TMCC1: variants seen among roughly 807,000 people sequenced by gnomAD.
TMCC1 encodes transmembrane and coiled-coil domain family 1.
Under a neutral mutation model 52.4 loss-of-function variants are expected in TMCC1, and 15 were observed. That is an observed-to-expected ratio of 0.29 (90% confidence interval 0.19 to 0.44). The LOEUF (loss-of-function observed/expected upper bound fraction) is 0.44, where lower values mean the gene tolerates loss of function less well. Ranked by LOEUF, TMCC1 falls within the 20% of genes least tolerant of loss-of-function variation. The pLI, the probability that TMCC1 is intolerant of heterozygous loss-of-function variation, is 1.00. For synonymous variants in TMCC1, 279 were observed against 301.9 expected (o/e 0.92, Z 0.79); for missense variants, 503 against 806.0 (o/e 0.62, Z 4.55).
chr3:129,713,223 C>T (rs2048833609), intron 4 of TMCC1, among the ~76,000 whole-genome samples: 1 of 152,204 alleles, frequency 6.6e-6, no homozygotes, highest in Non-Finnish European at 1.5e-5. Flanking sequence ...GATCATGCCA[C>T]TGCACTTTAG....
chr3:129,872,081 T>G (rs2060958110), intron 2 of TMCC1, among the ~76,000 whole-genome samples: 1 of 152,234 alleles, frequency 6.6e-6, no homozygotes, highest in Admixed American at 6.5e-5. Flanking sequence ...TATATCTACC[T>G]TTTCTTCAGA....
chr3:129,805,621 T>C (rs2057417324), intron 4 of TMCC1, among the ~76,000 whole-genome samples: 1 of 152,152 alleles, frequency 6.6e-6, no homozygotes, highest in Admixed American at 6.5e-5. Context: ...TCCGTTTGTT[T>C]CTAATCATAA....
intron 4 of TMCC1, among the ~76,000 whole-genome samples, chr3:129,730,245 G>T (rs991243350): frequency 6.6e-6 from 1 of 151,988 alleles, no homozygotes; most frequent in African/African-American, 2.4e-5. Flanking sequence ...TCTCTCGATA[G>T]CATCTTTCAC....
At chr3:129,691,215 A>G (rs1200272719) in intron 4 of TMCC1, among the ~76,000 whole-genome samples, 2 of 152,222 alleles carry the variant, frequency 1.3e-5, no homozygotes, top group Admixed American at 1.3e-4. Flanking sequence ...CCAGCTTGTC[A>G]GACTTTTCTG....
At position 129,828,152 on chromosome 3, in the gene TMCC1, T is replaced by G; in HGVS notation, c.227A>C (p.Asp76Ala). The change falls in exon 4 of 7, where the codon GAT becomes GCT. Residue 76 changes from aspartate to alanine, a missense_variant. Asp to Ala is a moderately radical substitution (Grantham distance 126). Around this residue, in one of 7 missense-constraint regions of TMCC1, gnomAD observed 217 missense variants for 297.9 expected, o/e 0.73. Transcript: ENST00000393238. The surrounding 1 kb of genome is among the most constrained non-coding windows in gnomAD (Gnocchi z 4.1). ...SPHDVQQIQA[D>A]PEPEMDLESQ... ...TTCCAGATCCATTTCAGGTTCTGGA[T>G]CTGCCTGAATTTGCTGCACATCATG... is the stretch of plus-strand genomic sequence containing the variant. 1.2e-6 allele frequency: 2 copies of G among 1,614,168 alleles called. No individual in the cohort carries two copies. The highest frequency in any genetic ancestry group is 1.7e-6 in the Non-Finnish European group (2 of 1,180,032).
intron 4 of TMCC1, among the ~76,000 whole-genome samples, chr3:129,685,595 C>T (rs1364988672): frequency 1.3e-5 from 2 of 152,008 alleles, no homozygotes; most frequent in South Asian, 2.1e-4. Context: ...GAATGGCTGA[C>T]GAGGCTGTAA....
At chr3:129,873,967 A>G (rs535617095) in intron 2 of TMCC1, among the ~76,000 whole-genome samples, 1 of 152,186 alleles carries the variant, frequency 6.6e-6, no homozygotes, top group Non-Finnish European at 1.5e-5. Context: ...CAAGGTATAG[A>G]ACTGTTTGAA....
chr3:129,716,147 CT>C (rs1286985253), intron 4 of TMCC1, among the ~76,000 whole-genome samples: 1 of 111,530 alleles, frequency 9.0e-6, no homozygotes, highest in Admixed American at 1.2e-4. Flanking sequence ...GTTTCAGCCA[CT>C]TTTTTTCTTT....
chr3:129,702,780 T>C (rs2047931372), intron 4 of TMCC1, among the ~76,000 whole-genome samples: 2 of 152,104 alleles, frequency 1.3e-5, no homozygotes, highest in Admixed American at 1.3e-4. Context: ...AAACAAGGAT[T>C]TGAGGCGGGT....
chr3:129,703,314 C>T (rs1002097050), intron 4 of TMCC1, among the ~76,000 whole-genome samples: 1 of 152,196 alleles, frequency 6.6e-6, no homozygotes, highest in South Asian at 2.1e-4. Context: ...TTCCAAGCTT[C>T]TTAAAATGTG....
chr3:129,763,116 T>C (rs991945422), intron 4 of TMCC1, among the ~76,000 whole-genome samples: 4 of 150,864 alleles, frequency 2.7e-5, no homozygotes, highest in African/African-American at 9.8e-5. Context: ...GAGAATGGCG[T>C]GAACCCGGGA....
intron 4 of TMCC1, among the ~76,000 whole-genome samples, chr3:129,720,682 G>A (rs1194675853): frequency 6.6e-6 from 1 of 151,900 alleles, no homozygotes; most frequent in African/African-American, 2.4e-5. Flanking sequence ...AAATAAAACA[G>A]TTATATTAAG....
chr3:129,888,705 T>A (rs1292754111), intron 1 of TMCC1, among the ~76,000 whole-genome samples: 4 of 152,166 alleles, frequency 2.6e-5, no homozygotes, highest in Non-Finnish European at 5.9e-5. Context: ...ACATAACTCA[T>A]CACCACTAAG....
chr3:129,875,243 C>T (rs1362698826), intron 2 of TMCC1, among the ~76,000 whole-genome samples: 1 of 151,452 alleles, frequency 6.6e-6, no homozygotes, highest in Non-Finnish European at 1.5e-5. Flanking sequence ...AATCCCAGCA[C>T]TGTGGGAGGC....
In TMCC1 at chr3:129,673,229, A is replaced by G. The variant is rs528895219; in HGVS notation, c.577-1965T>C. On this transcript the variant is annotated intron_variant, in intron 4 of 6. Transcript: ENST00000393238. The stretch of plus-strand genomic sequence containing the variant: ...CAGTGGAATGGACAGACGCAGCACA[A>G]GGGAGGAGCAGCCAGAGTTCCAGAT... 1.2e-3 allele frequency among the ~76,000 whole-genome samples: 186 copies of G among 152,172 alleles called. 1 individual carries two copies. Among genetic ancestry groups the G allele is most frequent in the Non-Finnish European group, 9.3e-4 (63 of 67,998 alleles).
intron 2 of TMCC1, among the ~76,000 whole-genome samples, chr3:129,875,877 T>C (rs557443265): frequency 6.6e-6 from 1 of 152,254 alleles, no homozygotes; most frequent in African/African-American, 2.4e-5. Context: ...CTCACGCCCG[T>C]AATCCCAGCA....
intron 1 of TMCC1, among the ~76,000 whole-genome samples, chr3:129,888,517 T>C (rs151333506): frequency 1.6e-3 from 247 of 152,280 alleles, no homozygotes; most frequent in Non-Finnish European, 2.8e-3. Context: ...GCAGAAAATA[T>C]ACAAGATGAA....
chr3:129,822,812 T>C (rs11916937), intron 4 of TMCC1, among the ~76,000 whole-genome samples: 14,000 of 152,098 alleles, frequency 0.092, 2,105 homozygotes, highest in African/African-American at 0.32. Flanking sequence ...AGTAGCTTAA[T>C]AGGCCTAACA....
chr3:129,795,700 C>G (rs1319779671), intron 4 of TMCC1, among the ~76,000 whole-genome samples: 1 of 152,176 alleles, frequency 6.6e-6, no homozygotes, highest in African/African-American at 2.4e-5. Context: ...ATGGAAAATT[C>G]CAGAAACAAA....
Sources: allele counts gnomAD v4.1 joint callset (sites outside exome capture counted in the v4.1 genomes callset), GRCh38; gene constraint gnomAD v4.1.1; regional missense constraint gnomAD v4.1.1; non-coding constraint Gnocchi (gnomAD v3.1); transcripts MANE v1.5; gene names NCBI Gene and HGNC (gene_info 2026-07-23, HGNC 2026-07-21).